The following EZH1 variants were observed in gnomAD, a reference collection of about 807,000 sequenced individuals.
EZH1 encodes the protein enhancer of zeste 1 polycomb repressive complex 2 subunit.
EZH1 carries 33 observed loss-of-function variants against 100.5 expected under a neutral mutation model. The observed-to-expected ratio is 0.33, with a 90% confidence interval of 0.25 to 0.44. The LOEUF (loss-of-function observed/expected upper bound fraction) is 0.44. Among genes scored for constraint, EZH1 ranks in the 20% least tolerant of loss-of-function variants. EZH1 has a pLI of 1.00. For synonymous variants in EZH1, 272 were observed against 313.8 expected (o/e 0.87, Z 1.41); for missense variants, 475 against 928.4 (o/e 0.51, Z 6.35).
intron 4 of EZH1, among the ~76,000 whole-genome samples, chr17:42,726,678 A>AT (rs964117047): frequency 1.3e-5 from 2 of 151,226 alleles, no homozygotes; most frequent in African/African-American, 4.9e-5. Context: ...TGCCTGGCTA[A>AT]TTTTTTTGTA....
In EZH1 at chr17:42,718,094, C is replaced by T. The variant is rs1357183425; in HGVS notation, c.932-27G>A. 6.3e-7 allele frequency: 1 copy of T among 1,589,734 alleles called. No homozygotes were observed. Among genetic ancestry groups the T allele is most frequent in the South Asian group, 1.1e-5 (1 of 90,442 alleles). ...TGGAAAACAAAAACTGTCTTGTTGC[C>T]AGTGGTCTATCCACTTGACAAGATG... On this transcript the variant is annotated intron_variant, in intron 9 of 20. Coordinates refer to ENST00000428826, the MANE Select transcript of EZH1 (RefSeq NM_001991.5). This position sits in a 1 kb window ranked among gnomAD's most constrained non-coding sequence, Gnocchi z 4.2.
chr17:42,702,751 C>T, intron 20 of EZH1, 126 bp downstream of exon 20: 7 of 1,268,414 alleles, frequency 5.5e-6, no homozygotes, highest in South Asian at 1.3e-5. Context: ...ACAAGGGACA[C>T]AGCCTTATTC....
chr17:42,735,296 A>T (rs1307733929), intron 1 of EZH1, among the ~76,000 whole-genome samples: 1 of 151,886 alleles, frequency 6.6e-6, no homozygotes, highest in Non-Finnish European at 1.5e-5. Context: ...ATGTTGGCAC[A>T]CACCTGAAAC....
In EZH1 at chr17:42,717,962, G is replaced by T. The variant is rs1238767269; in HGVS notation, c.1023+14C>A. 8.7e-6 allele frequency: 14 copies of T among 1,612,454 alleles called. No individual in the cohort carries two copies. The South Asian group carries it at 1.3e-4, about 15-fold the overall frequency. The stretch of plus-strand genomic sequence containing the variant: ...GAATGAAGTTAATAATGCCAGAACA[G>T]CTTAAGAACATACCAGCAAAAGGAA... On this transcript the variant is annotated intron_variant, in intron 10 of 20. Coordinates refer to ENST00000428826, the MANE Select transcript of EZH1 (RefSeq NM_001991.5).
At chr17:42,709,980 G>A (rs772859448) in intron 12 of EZH1, 43 bp from the exon 13 acceptor site, 1 of 1,594,108 alleles carries the variant, frequency 6.3e-7, no homozygotes, top group Non-Finnish European at 8.6e-7. Context: ...TCGAGCAAGG[G>A]GGTCAGGTAA....
rs2053274971 is a variant in EZH1 at position 42,702,961 on chromosome 17, A to G, written c.2099T>C (p.Val700Ala). Residue 700 changes from valine (V) to alanine (A), a missense_variant and splice_region_variant, in exon 20 of 21, where the codon GTG becomes GCG. Val to Ala is a moderately conservative substitution (Grantham distance 64, BLOSUM62 0). This residue lies in a region of EZH1 where 49 missense variants were observed against 164.2 expected (regional missense o/e 0.30). Transcript: ENST00000428826. ...HSVNPNCYAK[V>A]VMVNGDHRIG... ...CCGATGGTCTCCATTCACCATGACC[A>G]CTGCAAGCAGGATAAACCCGAGGCT... 1 of 1,613,862 alleles carries G rather than the reference A, an allele frequency of 6.2e-7. No individual in the cohort carries two copies. Among genetic ancestry groups the G allele is most frequent in the Non-Finnish European group, 8.5e-7 (1 of 1,180,002 alleles).
At chr17:42,730,611 C>T (rs1340713158) in intron 2 of EZH1, among the ~76,000 whole-genome samples, 3 of 148,990 alleles carry the variant, frequency 2.0e-5, no homozygotes, top group African/African-American at 5.0e-5. Flanking sequence ...ATTCTCCTGC[C>T]TCAGCCTCCC....
intron 10 of EZH1, among the ~76,000 whole-genome samples, chr17:42,716,189 A>C (rs1470099372): frequency 2.0e-5 from 3 of 152,212 alleles, no homozygotes; most frequent in Non-Finnish European, 4.4e-5. Context: ...TATTAATAGA[A>C]TGGGTAATAG....
intron 10 of EZH1, among the ~76,000 whole-genome samples, chr17:42,713,655 T>G (rs2053535030): frequency 6.6e-6 from 1 of 152,148 alleles, no homozygotes; most frequent in Non-Finnish European, 1.5e-5. Context: ...CAGGATGGAG[T>G]GCAGAGGCCT....
intron 7 of EZH1, among the ~76,000 whole-genome samples, chr17:42,719,731 T>C (rs1307988003): frequency 1.3e-5 from 2 of 152,088 alleles, no homozygotes; most frequent in Admixed American, 6.6e-5. Context: ...AGCAAGACTG[T>C]GTCTCAAAAA....
intron 1 of EZH1, among the ~76,000 whole-genome samples, chr17:42,740,664 G>A (rs2054160080): frequency 6.6e-6 from 1 of 152,212 alleles, no homozygotes; most frequent in African/African-American, 2.4e-5. Context: ...CGCTGACTTG[G>A]AAGAGTAAAA....
At position 42,702,913 on chromosome 17, in the gene EZH1, G is replaced by A; in HGVS notation, c.2147C>T (p.Ala716Val). Residue 716 changes from alanine (A) to valine (V), a missense_variant, in exon 20 of 21, where the codon GCA (alanine) becomes GTA (valine). Around this residue, in one of 8 missense-constraint regions of EZH1, gnomAD observed 49 missense variants for 164.2 expected, o/e 0.30. Transcript: ENST00000428826. ...DHRIGIFAKRAIQAGEELFFD... is the reference protein window; with the variant it reads ...DHRIGIFAKRVIQAGEELFFD... ...GAAGAGCTCTTCGCCAGCTTGAATT[G>A]CCCTCTTGGCAAAGATCCCAATCCG... 6.2e-7 allele frequency: 1 copy of A among 1,614,022 alleles called. No homozygotes were observed. The highest frequency in any genetic ancestry group is 8.5e-7 in the Non-Finnish European group (1 of 1,180,018).
At chr17:42,705,589 G>T in intron 16 of EZH1, 1 of 178,870 alleles carries the variant, frequency 5.6e-6, no homozygotes, top group Non-Finnish European at 1.2e-5. Flanking sequence ...GTGCGATCTC[G>T]GCTTGCTGCA....
chr17:42,725,449 CT>C (rs1159484000), intron 4 of EZH1, among the ~76,000 whole-genome samples: 141 of 142,876 alleles, frequency 9.9e-4, no homozygotes, highest in East Asian at 1.4e-3. Flanking sequence ...GCTAATTTTT[CT>C]TTTTTTTTTT....
At chr17:42,705,064 G>A in intron 17 of EZH1, 24 bp downstream of exon 17, 1 of 1,585,114 alleles carries the variant, frequency 6.3e-7, no homozygotes. Flanking sequence ...GAGTAAGAAT[G>A]TGGGCCAAAA....
chr17:42,703,325 C>G (rs1286775167), intron 19 of EZH1: 1 of 300,644 alleles, frequency 3.3e-6, no homozygotes, highest in Non-Finnish European at 6.4e-6. Context: ...CAGGTGCACA[C>G]CACCACGCCC....
chr17:42,731,423 T>C (rs1235410731), intron 1 of EZH1, among the ~76,000 whole-genome samples: 1 of 152,134 alleles, frequency 6.6e-6, no homozygotes, highest in Admixed American at 6.6e-5. Context: ...CTGCCCATAA[T>C]GCTTTTCTGA....
At chr17:42,717,921 G>T in intron 10 of EZH1, 55 bp downstream of exon 10, 1 of 1,518,542 alleles carries the variant, frequency 6.6e-7, no homozygotes, top group Non-Finnish European at 9.1e-7. Flanking sequence ...ACTGGCTCAC[G>T]TGGCTTGTGT....
rs1324603669 is a variant in EZH1 at position 42,701,518 on chromosome 17, A to T, written c.*1014T>A. 6.5e-6 allele frequency: 1 copy of T among 152,854 alleles called. No individual in the cohort carries two copies. Among genetic ancestry groups the T allele is most frequent in the Non-Finnish European group, 1.5e-5 (1 of 68,100 alleles). The allele number at this position is 152,854 out of a possible 1,614,324, so 9.5% of individuals were successfully genotyped here. On this transcript the variant is annotated 3_prime_UTR_variant, in exon 21 of 21. Transcript: ENST00000428826. ...GCAGGCACTACAGACAGGAAAGCAG[A>T]TTACACCAATCTTTCTCCTCTCTAG...
Sources: gnomAD v4.1 joint callset for allele counts (sites outside exome capture counted in the v4.1 genomes callset) on GRCh38, gnomAD v4.1.1 for gene constraint, gnomAD v4.1.1 regional missense constraint, Gnocchi (gnomAD v3.1) non-coding constraint, MANE v1.5 for transcripts, NCBI Gene and HGNC (gene_info 2026-07-23, HGNC 2026-07-21) for gene names.